GRID2: variants seen among roughly 807,000 people sequenced by gnomAD.
GRID2 encodes the protein glutamate ionotropic receptor delta type subunit 2.
In GRID2, 33 loss-of-function variants were observed where a neutral mutation model predicts 114.8. That is an observed-to-expected ratio of 0.29 (90% confidence interval 0.22 to 0.38). GRID2 has a LOEUF of 0.38. GRID2 is among the 10% of genes least tolerant of loss of function. GRID2 has a pLI of 1.00. For synonymous variants in GRID2, 505 were observed against 449.9 expected, an observed-to-expected ratio of 1.12 and a Z score of -1.55; for missense variants, 1,184 against 1,257.7, an observed-to-expected ratio of 0.94 and a Z score of 0.89.
At chr4:93,264,060 C>T (rs1249778314) in intron 8 of GRID2, among the ~76,000 whole-genome samples, 1 of 152,124 alleles carries the variant, frequency 6.6e-6, no homozygotes, top group Non-Finnish European at 1.5e-5. Context: ...GCTATTAACA[C>T]ACAGGTTATA....
rs563237224 is a variant in GRID2, at chr4:93,526,532, G to A, written c.2193+11121G>A. ...ACTTCCTTCTTTATTTAAACAGGCC[G>A]GGCGCTGTGGCTCACGCCTGTAATC... On this transcript the variant is annotated intron_variant, in intron 13 of 15. Coordinates refer to ENST00000282020, the MANE Select transcript of GRID2 (RefSeq NM_001510.4). Among the ~76,000 whole-genome samples the A allele has an allele frequency of 1.1e-4, 16 of 152,254 alleles. No individual in the cohort carries two copies. The South Asian group carries it at 1.7e-3, about 16-fold the overall frequency.
intron 13 of GRID2, among the ~76,000 whole-genome samples, chr4:93,616,341 C>T (rs917957066): frequency 6.6e-6 from 1 of 151,372 alleles, no homozygotes; most frequent in East Asian, 1.9e-4. Context: ...GCCAGGAGCT[C>T]GAGACCCGCC....
intron 1 of GRID2, among the ~76,000 whole-genome samples, chr4:92,447,520 T>A (rs568800187): frequency 2.0e-5 from 3 of 152,330 alleles, no homozygotes; most frequent in South Asian, 2.1e-4. Flanking sequence ...TCTATTATTT[T>A]CCTATCTTTG....
chr4:92,374,200 T>G (rs1208290595), intron 1 of GRID2, among the ~76,000 whole-genome samples: 3 of 152,124 alleles, frequency 2.0e-5, no homozygotes, highest in Non-Finnish European at 4.4e-5. Flanking sequence ...TTAAGTCTGA[T>G]AAGAAACATT....
chr4:92,892,368 T>A (rs1396647641), intron 2 of GRID2, among the ~76,000 whole-genome samples: 8 of 152,148 alleles, frequency 5.3e-5, no homozygotes, highest in Admixed American at 5.2e-4. Context: ...TTTTGAAAAA[T>A]TTGTTCTGAG....
At chr4:92,710,910 G>T (rs1175918745) in intron 2 of GRID2, among the ~76,000 whole-genome samples, 3 of 150,936 alleles carry the variant, frequency 2.0e-5, no homozygotes, top group African/African-American at 7.3e-5. Flanking sequence ...GAAAAAACTA[G>T]CATTCAGATT....
intron 2 of GRID2, among the ~76,000 whole-genome samples, chr4:92,895,971 T>C (rs985119754): frequency 3.3e-5 from 5 of 152,166 alleles, no homozygotes; most frequent in African/African-American, 1.2e-4. Context: ...ATGATTTACA[T>C]AACAGAAAAA....
chr4:93,712,857 A>G (rs1030733473), intron 14 of GRID2, among the ~76,000 whole-genome samples: 1 of 152,146 alleles, frequency 6.6e-6, no homozygotes, highest in Non-Finnish European at 1.5e-5. Context: ...ATTTGTTTCT[A>G]AAAGGCTTCC....
chr4:93,573,603 C>G (rs183881143), intron 13 of GRID2, among the ~76,000 whole-genome samples: 2 of 152,286 alleles, frequency 1.3e-5, no homozygotes, highest in Admixed American at 6.5e-5. Context: ...AAAGCATGGA[C>G]TATCTATTAA....
intron 13 of GRID2, among the ~76,000 whole-genome samples, chr4:93,618,511 G>C (rs929133594): frequency 3.3e-5 from 5 of 152,190 alleles, no homozygotes; most frequent in Non-Finnish European, 7.3e-5. Context: ...GAGACACACA[G>C]AAGCAGCTAA....
At chr4:93,701,725 A>G (rs562533179) in intron 14 of GRID2, among the ~76,000 whole-genome samples, 3 of 152,196 alleles carry the variant, frequency 2.0e-5, no homozygotes, top group Admixed American at 6.5e-5. Flanking sequence ...GTGGTGGCAT[A>G]TATCTGTAGT....
At chr4:93,442,878 C>A (rs1464647899) in intron 10 of GRID2, among the ~76,000 whole-genome samples, 1 of 151,968 alleles carries the variant, frequency 6.6e-6, no homozygotes, top group African/African-American at 2.4e-5. Context: ...TGATTTCACC[C>A]CTTTCCCCCA....
Position 92,907,261 on chromosome 4 carries a change from AG to A in GRID2, c.245-177733del, listed in dbSNP as rs1174351375. ...TTCCCTTGTCTTAATGTAAAGTATAAGTGTGCATATTCATTGTCTCATCTGT... is the reference window on the plus strand; with the variant it reads ...TTCCCTTGTCTTAATGTAAAGTATAATGTGCATATTCATTGTCTCATCTGT... On this transcript the variant is annotated intron_variant, in intron 2 of 15. Transcript: ENST00000282020. 2.6e-5 allele frequency among the ~76,000 whole-genome samples: 4 copies of A among 152,274 alleles called. No homozygotes were observed. In the South Asian group the frequency reaches 6.2e-4, roughly 24 times the overall value.
chr4:92,660,501 T>G (rs1015355002), intron 2 of GRID2, among the ~76,000 whole-genome samples: 1 of 151,276 alleles, frequency 6.6e-6, no homozygotes, highest in Admixed American at 6.6e-5. Context: ...TTTCCATGTT[T>G]CCTTAGTTCC....
At chr4:92,956,904 A>G (rs912244799) in intron 2 of GRID2, among the ~76,000 whole-genome samples, 1 of 152,160 alleles carries the variant, frequency 6.6e-6, no homozygotes, top group African/African-American at 2.4e-5. Flanking sequence ...CATTTCCCTA[A>G]TGACATATGA....
At chr4:92,441,223 A>G (rs1479486059) in intron 1 of GRID2, among the ~76,000 whole-genome samples, 1 of 152,158 alleles carries the variant, frequency 6.6e-6, no homozygotes, top group African/African-American at 2.4e-5. Flanking sequence ...TCGGTCGGAC[A>G]AGATTGGCAG....
intron 14 of GRID2, among the ~76,000 whole-genome samples, chr4:93,763,274 G>A (rs1446472364): frequency 2.0e-5 from 3 of 152,160 alleles, no homozygotes; most frequent in Non-Finnish European, 2.9e-5. Flanking sequence ...ATTCTCTCAA[G>A]TAGATTGAGC....
At chr4:93,303,228 G>A (rs981408397) in intron 8 of GRID2, among the ~76,000 whole-genome samples, 1 of 152,024 alleles carries the variant, frequency 6.6e-6, no homozygotes, top group Non-Finnish European at 1.5e-5. Flanking sequence ...CTAACACTGG[G>A]GATTACAATT....
chr4:92,769,350 C>T (rs572247213), intron 2 of GRID2, among the ~76,000 whole-genome samples: 17 of 152,326 alleles, frequency 1.1e-4, no homozygotes, highest in African/African-American at 3.6e-4. Flanking sequence ...CTCTCACCTG[C>T]TTTCATGGGC....
Sources: allele counts gnomAD v4.1 joint callset (sites outside exome capture counted in the v4.1 genomes callset), GRCh38; gene constraint gnomAD v4.1.1; transcripts MANE v1.5; gene names NCBI Gene and HGNC (gene_info 2026-07-23, HGNC 2026-07-21).